Variants in PPP2R2B observed in about 807,000 individuals in gnomAD.
The protein encoded by PPP2R2B is serine/threonine-protein phosphatase 2A 55 kDa regulatory subunit B beta isoform.
In PPP2R2B, 5 loss-of-function variants were observed where a neutral mutation model predicts 46.0. That is an observed-to-expected ratio of 0.11 (90% CI 0.06 to 0.23). The LOEUF (loss-of-function observed/expected upper bound fraction) is 0.23. PPP2R2B is among the 10% of genes least tolerant of loss of function. PPP2R2B has a pLI of 1.00. For missense variants in PPP2R2B, 367 were observed against 575.0 expected (o/e 0.64, Z 3.70); for synonymous variants, 215 against 206.7 (o/e 1.04, Z -0.34).
At chr5:146,640,111 T>C (rs1170692575) in intron 6 of PPP2R2B, among the ~76,000 whole-genome samples, 1 of 152,222 alleles carries the variant, frequency 6.6e-6, no homozygotes, top group Non-Finnish European at 1.5e-5. Flanking sequence ...TGATCAAACA[T>C]CACTATGCTC....
chr5:146,946,669 A>G (rs1357606173), intron 1 of PPP2R2B, among the ~76,000 whole-genome samples: 1 of 152,092 alleles, frequency 6.6e-6, no homozygotes, highest in Non-Finnish European at 1.5e-5. Flanking sequence ...AATCTTTTCT[A>G]TGTCTAATTT....
chr5:146,766,791 T>C lies in PPP2R2B; in HGVS notation c.71-65649A>G, dbSNP rs937861311. Among the ~76,000 whole-genome samples, 5 of 151,946 alleles carry C rather than the reference T, an allele frequency of 3.3e-5. No individual in the cohort carries two copies. In the South Asian group the frequency reaches 8.3e-4, roughly 25 times the overall value. On this transcript the variant is annotated intron_variant, in intron 2 of 9. Transcript: ENST00000394411. Reference sequence around the variant, plus strand: ...GCAGAAGGTGGGGCACGGTGGCTCATGTCTGTAATCCTAGCACTTTGGGAG... The same window carrying C: ...GCAGAAGGTGGGGCACGGTGGCTCACGTCTGTAATCCTAGCACTTTGGGAG...
At chr5:146,709,177 T>C (rs1479555550) in intron 2 of PPP2R2B, among the ~76,000 whole-genome samples, 1 of 152,172 alleles carries the variant, frequency 6.6e-6, no homozygotes, top group Non-Finnish European at 1.5e-5. Flanking sequence ...CTGGTGCTGG[T>C]TTACCTCTTA....
At chr5:146,708,437 G>A (rs901961101) in intron 2 of PPP2R2B, among the ~76,000 whole-genome samples, 2 of 145,638 alleles carry the variant, frequency 1.4e-5, no homozygotes, top group Non-Finnish European at 1.5e-5. Context: ...GTGTGTGTGT[G>A]TGTAAAATTC....
chr5:147,039,870 G>A (rs1295024856), intron 1 of PPP2R2B, among the ~76,000 whole-genome samples: 1 of 152,132 alleles, frequency 6.6e-6, no homozygotes, highest in Non-Finnish European at 1.5e-5. Context: ...CACATAGTAG[G>A]TGCTCAAGTA....
chr5:146,902,109 A>G (rs919574619), intron 1 of PPP2R2B, among the ~76,000 whole-genome samples: 1 of 152,192 alleles, frequency 6.6e-6, no homozygotes, highest in Non-Finnish European at 1.5e-5. Context: ...CACCATGTGC[A>G]CACTCCACTG....
chr5:146,716,256 A>C (rs1780491045), intron 2 of PPP2R2B, among the ~76,000 whole-genome samples: 1 of 152,110 alleles, frequency 6.6e-6, no homozygotes, highest in Non-Finnish European at 1.5e-5. Context: ...GATTGGAAAA[A>C]ATTCCTTCTT....
intron 5 of PPP2R2B, among the ~76,000 whole-genome samples, chr5:146,687,598 G>A (rs1005189597): frequency 6.6e-6 from 1 of 152,050 alleles, no homozygotes; most frequent in Admixed American, 6.6e-5. Flanking sequence ...TAATAGAAAT[G>A]GTACAACTGT....
chr5:147,033,880 C>G (rs1363759023), intron 1 of PPP2R2B, among the ~76,000 whole-genome samples: 2 of 152,088 alleles, frequency 1.3e-5, no homozygotes, highest in African/African-American at 2.4e-5. Context: ...ATTCTTGCCT[C>G]CTACTCTTAT....
chr5:146,706,229 G>A (rs1485211273), intron 2 of PPP2R2B, among the ~76,000 whole-genome samples: 1 of 152,188 alleles, frequency 6.6e-6, no homozygotes, highest in Non-Finnish European at 1.5e-5. Context: ...GAAATCAGAG[G>A]ACACCAGCTT....
intron 2 of PPP2R2B, among the ~76,000 whole-genome samples, chr5:146,731,010 C>T (rs765166466): frequency 4.6e-5 from 7 of 152,166 alleles, no homozygotes; most frequent in African/African-American, 1.7e-4. Flanking sequence ...CAGCCATGTA[C>T]GAGGTGTGAG....
intron 2 of PPP2R2B, among the ~76,000 whole-genome samples, chr5:146,774,289 G>A (rs1755041635): frequency 6.6e-6 from 1 of 152,082 alleles, no homozygotes; most frequent in Admixed American, 6.5e-5. Context: ...TTAGTAAATG[G>A]GAGCTGTTAT....
At chr5:146,800,033 T>G (rs969925345) in intron 2 of PPP2R2B, among the ~76,000 whole-genome samples, 1 of 151,876 alleles carries the variant, frequency 6.6e-6, no homozygotes, top group Admixed American at 6.6e-5. Context: ...GTGGAATCGA[T>G]CTGAAAAAAA....
At chr5:146,870,263 G>A (rs1393744305) in intron 2 of PPP2R2B, among the ~76,000 whole-genome samples, 1 of 152,096 alleles carries the variant, frequency 6.6e-6, no homozygotes, top group East Asian at 1.9e-4. Flanking sequence ...CAATCTATAT[G>A]TTGAAGCCCT....
chr5:146,878,234 A>C lies in PPP2R2B; in HGVS notation c.-124-39T>G. ...GGGGAGGCGGAGAGAAAAAAAATAA[A>C]AACCCGGCAATGGAGCTGTCACCTC... On this transcript the variant is annotated intron_variant, in intron 1 of 9. Transcript: ENST00000394411. This position sits in a 1 kb window ranked among gnomAD's most constrained non-coding sequence, Gnocchi z 4.5. 1 of 1,526,526 alleles carries C rather than the reference A, an allele frequency of 6.6e-7. No individual in the cohort carries two copies. Among genetic ancestry groups the C allele is most frequent in the African/African-American group, 1.4e-5 (1 of 72,018 alleles). 94.6% of individuals were successfully genotyped at this position (1,526,526 alleles called of 1,614,324 possible).
Position 146,589,890 on chromosome 5 carries a change from A to T in PPP2R2B, c.*57T>A, listed in dbSNP as rs1770428592. The T allele has an allele frequency of 6.6e-7, 1 of 1,521,924 alleles. No homozygotes were observed. Among genetic ancestry groups the T allele is most frequent in the African/African-American group, 1.4e-5 (1 of 72,476 alleles). The allele number at this position is 1,521,924 out of a possible 1,614,324, so 94.3% of individuals were successfully genotyped here. On this transcript the variant is annotated 3_prime_UTR_variant, in exon 10 of 10. Transcript: ENST00000394411. Reference sequence around the variant, plus strand: ...CAAATGAAGACCCAAAGAAACATTTAAAAACTTGTTTGACTAGTATTCAGT... The same window carrying T: ...CAAATGAAGACCCAAAGAAACATTTTAAAACTTGTTTGACTAGTATTCAGT...
intron 5 of PPP2R2B, among the ~76,000 whole-genome samples, chr5:146,676,642 A>T (rs1459547665): frequency 6.6e-6 from 1 of 152,092 alleles, no homozygotes; most frequent in Non-Finnish European, 1.5e-5. Flanking sequence ...CCTTTCCTCT[A>T]GAGGCCCCAT....
upstream of PPP2R2B, among the ~76,000 whole-genome samples, chr5:146,879,766 C>A (rs1762103003): frequency 6.6e-6 from 1 of 152,184 alleles, no homozygotes. Flanking sequence ...CAACCCAAAT[C>A]ACTAGAAAGC....
chr5:146,594,850 A>G (rs1222380512), intron 8 of PPP2R2B, among the ~76,000 whole-genome samples: 1 of 152,174 alleles, frequency 6.6e-6, no homozygotes, highest in African/African-American at 2.4e-5. Context: ...AAGCAGAGGG[A>G]GGCTACCAAG....
Sources: gnomAD v4.1 joint callset for allele counts (sites outside exome capture counted in the v4.1 genomes callset) on GRCh38, gnomAD v4.1.1 for gene constraint, Gnocchi (gnomAD v3.1) non-coding constraint, MANE v1.5 for transcripts, NCBI Gene and HGNC (gene_info 2026-07-23, HGNC 2026-07-21) for gene names.